Variants in RAB8B observed in about 807,000 individuals in gnomAD.
RAB8B encodes the protein RAB8B, member RAS oncogene family.
A neutral mutation model predicts 32.0 loss-of-function variants in RAB8B; 11 were observed. The observed-to-expected ratio is 0.34, with a 90% CI of 0.22 to 0.57. The LOEUF is 0.57. Ranked by LOEUF, RAB8B falls within the 20% of genes least tolerant of loss-of-function variation. The pLI, the probability that RAB8B is intolerant of heterozygous loss-of-function variation, is 0.86. For synonymous variants in RAB8B, 103 were observed against 89.6 expected (o/e 1.15, Z -0.85); for missense variants, 190 against 258.5 (o/e 0.73, Z 1.82).
chr15:63,196,648 A>G (rs370867040), intron 1 of RAB8B, among the ~76,000 whole-genome samples: 6 of 152,372 alleles, frequency 3.9e-5, no homozygotes, highest in East Asian at 1.9e-4. Context: ...TGAAAGCCCT[A>G]TATGAGCTGT....
intron 1 of RAB8B, among the ~76,000 whole-genome samples, chr15:63,204,973 C>T (rs918077417): frequency 2.0e-5 from 3 of 151,554 alleles, no homozygotes; most frequent in African/African-American, 7.3e-5. Context: ...GCCTAGGCAG[C>T]ATAGGGAGAC....
chr15:63,241,241 C>G (rs1461837629), intron 1 of RAB8B, among the ~76,000 whole-genome samples: 3 of 152,162 alleles, frequency 2.0e-5, no homozygotes, highest in African/African-American at 2.4e-5. Context: ...AGTCGCGAGG[C>G]TGAGGCAGGA....
In RAB8B at chr15:63,213,709, A is replaced by C. The variant is rs2037766217; in HGVS notation, c.124+23961A>C. ...TATATGAGTGTTGAAACTTAAAATG[A>C]GTAAATTCTGTCTTCCAAATAATTT... On this transcript the variant is annotated intron_variant, in intron 1 of 7. Transcript: ENST00000321437. Among the ~76,000 whole-genome samples the C allele has an allele frequency of 2.0e-5, 3 of 152,206 alleles. No individual in the cohort carries two copies. The South Asian group carries it at 6.2e-4, about 31-fold the overall frequency.
intron 1 of RAB8B, among the ~76,000 whole-genome samples, chr15:63,197,396 C>T (rs1290579948): frequency 5.5e-5 from 3 of 54,490 alleles, no homozygotes; most frequent in Non-Finnish European, 6.4e-5. Context: ...TTTTTTAAGA[C>T]AGAGTCTTGT....
intron 1 of RAB8B, among the ~76,000 whole-genome samples, chr15:63,230,333 C>T (rs796455811): frequency 3.4e-4 from 52 of 152,252 alleles, no homozygotes; most frequent in African/African-American, 1.2e-3. Flanking sequence ...CAGAGTCTTG[C>T]TCTTGTCGCC....
In RAB8B at chr15:63,214,286, C is replaced by CTTTTTTTTT. The variant is rs34415858; in HGVS notation, c.124+24553_124+24561dup. The stretch of plus-strand genomic sequence containing the variant: ...GGAAATGGGTACGCTCAGTTTCTTT[C>CTTTTTTTTT]TTTTTTTTTTTTTTTTTTTTTTTGA... On this transcript the variant is annotated intron_variant, in intron 1 of 7. Coordinates refer to ENST00000321437, the MANE Select transcript of RAB8B (RefSeq NM_016530.3). Among the ~76,000 whole-genome samples, 11 of 95,638 alleles carry CTTTTTTTTT rather than the reference C, an allele frequency of 1.2e-4. 1 individual carries two copies. The highest frequency in any genetic ancestry group is 4.2e-4 in the South Asian group (1 of 2,354). 62.7% of individuals were successfully genotyped at this position (95,638 alleles called of 152,430 possible).
At chr15:63,260,693 AT>A (rs145103076) in intron 6 of RAB8B, among the ~76,000 whole-genome samples, 2,763 of 152,240 alleles carry the variant, frequency 0.018, 58 homozygotes, top group African/African-American at 0.054. Flanking sequence ...AAAAAAAAAA[AT>A]AATAGGTTTT....
chr15:63,230,428 G>A (rs11854966), intron 1 of RAB8B, among the ~76,000 whole-genome samples: 32,672 of 151,692 alleles, frequency 0.22, 4,422 homozygotes, highest in East Asian at 0.47. Context: ...CAGCCTCCCT[G>A]GTAGCTGGGA....
At chr15:63,230,803 C>T (rs1322760278) in intron 1 of RAB8B, among the ~76,000 whole-genome samples, 1 of 152,178 alleles carries the variant, frequency 6.6e-6, no homozygotes, top group Non-Finnish European at 1.5e-5. Context: ...TCAAATGATC[C>T]TCCTGCCTCT....
chr15:63,235,557 CCCT>C (rs144097738), intron 1 of RAB8B, among the ~76,000 whole-genome samples: 5,378 of 151,866 alleles, frequency 0.035, 269 homozygotes, highest in African/African-American at 0.11. Flanking sequence ...CCCTATGAAT[CCCT>C]CCTCTTCCAT....
intron 1 of RAB8B, among the ~76,000 whole-genome samples, chr15:63,199,043 A>C (rs1342994523): frequency 6.6e-6 from 1 of 152,240 alleles, no homozygotes; most frequent in African/African-American, 2.4e-5. Context: ...CTCTGAGTAA[A>C]ATCTTGATAC....
intron 1 of RAB8B, among the ~76,000 whole-genome samples, chr15:63,218,696 G>T (rs1326632509): frequency 6.6e-6 from 1 of 152,114 alleles, no homozygotes; most frequent in East Asian, 1.9e-4. Context: ...TTTGTTTCTT[G>T]GCCTTAGGCT....
chr15:63,232,151 T>C (rs1356633388), intron 1 of RAB8B, among the ~76,000 whole-genome samples: 1 of 152,234 alleles, frequency 6.6e-6, no homozygotes, highest in Non-Finnish European at 1.5e-5. Flanking sequence ...TTCTTGACTT[T>C]TGGTAGTTCT....
intron 1 of RAB8B, among the ~76,000 whole-genome samples, chr15:63,206,853 G>C (rs1217497436): frequency 1.3e-5 from 2 of 151,850 alleles, no homozygotes; most frequent in African/African-American, 4.8e-5. Context: ...GTCCTGCTCT[G>C]CCCCCTTCAA....
chr15:63,196,135 A>C (rs2037597854), intron 1 of RAB8B, among the ~76,000 whole-genome samples: 1 of 152,032 alleles, frequency 6.6e-6, no homozygotes. Context: ...TCTCATAAAA[A>C]CTCAACTTTA....
intron 1 of RAB8B, among the ~76,000 whole-genome samples, chr15:63,212,803 C>G (rs535072366): frequency 6.6e-6 from 1 of 152,132 alleles, no homozygotes; most frequent in African/African-American, 2.4e-5. Flanking sequence ...TTGAAAGGCC[C>G]GTCTTTGTAT....
intron 1 of RAB8B, among the ~76,000 whole-genome samples, chr15:63,199,998 C>G (rs545982303): frequency 6.6e-6 from 1 of 152,294 alleles, no homozygotes. Context: ...GTACGTAGGG[C>G]TGTGACAAAC....
In RAB8B at chr15:63,248,200, A is replaced by G. The variant is rs1403831158; in HGVS notation, c.186-1445A>G. On this transcript the variant is annotated intron_variant, in intron 2 of 7. Transcript: ENST00000321437. This position sits in a 1 kb window ranked among gnomAD's most constrained non-coding sequence, Gnocchi z 4.4. ...GCCCAGAGCTGAACAGCTGAGACCT[A>G]AGATGCTTGTCTCCTTCAAGAGTAT... is the stretch of plus-strand genomic sequence containing the variant. 2.6e-5 allele frequency among the ~76,000 whole-genome samples: 4 copies of G among 152,174 alleles called. No homozygotes were observed. Among genetic ancestry groups the G allele is most frequent in the Non-Finnish European group, 5.9e-5 (4 of 68,032 alleles).
chr15:63,226,232 C>T (rs2141124907), intron 1 of RAB8B, among the ~76,000 whole-genome samples: 1 of 152,258 alleles, frequency 6.6e-6, no homozygotes, highest in Admixed American at 6.5e-5. Flanking sequence ...TAAGGTAAAC[C>T]TTATTGTATC....
Sources: gnomAD v4.1 joint callset for allele counts (sites outside exome capture counted in the v4.1 genomes callset) on GRCh38, gnomAD v4.1.1 for gene constraint, Gnocchi (gnomAD v3.1) non-coding constraint, MANE v1.5 for transcripts, NCBI Gene and HGNC (gene_info 2026-07-23, HGNC 2026-07-21) for gene names.